KLHDC1: variants seen among roughly 807,000 people sequenced by gnomAD.
KLHDC1 encodes the protein kelch domain containing 1.
In KLHDC1, 53 loss-of-function variants were observed where a neutral mutation model predicts 68.3. The observed-to-expected ratio is 0.78, with a 90% CI of 0.62 to 0.98. The LOEUF is 0.98. Among genes scored for constraint, KLHDC1 ranks in the 50% least tolerant of loss-of-function variants. KLHDC1 has a pLI of 0.00. For missense variants in KLHDC1, 470 were observed against 492.3 expected, an observed-to-expected ratio of 0.95 and a Z score of 0.43; for synonymous variants, 148 against 159.0, an observed-to-expected ratio of 0.93 and a Z score of 0.52.
chr14:49,741,005 A>G (rs1307837083), intron 11 of KLHDC1, among the ~76,000 whole-genome samples: 2 of 152,068 alleles, frequency 1.3e-5, no homozygotes, highest in Admixed American at 1.3e-4. Flanking sequence ...GAGGCACGAG[A>G]ATCACTTGAA....
chr14:49,747,678 A>G (rs531954070), intron 12 of KLHDC1, among the ~76,000 whole-genome samples: 1 of 152,310 alleles, frequency 6.6e-6, no homozygotes, highest in African/African-American at 2.4e-5. Context: ...ATAAGAACTT[A>G]AGATGAATGG....
intron 4 of KLHDC1, among the ~76,000 whole-genome samples, chr14:49,720,465 TG>T (rs1888498255): frequency 6.6e-6 from 1 of 152,132 alleles, no homozygotes. Context: ...TTTGTGTTTT[TG>T]TTTCTCTGTA....
In KLHDC1 at chr14:49,701,908, C is replaced by T. The variant is rs1349305501; in HGVS notation, c.97-7251C>T. Among the ~76,000 whole-genome samples, 7 of 152,192 alleles carry T rather than the reference C, an allele frequency of 4.6e-5. No individual in the cohort carries two copies. The East Asian group carries it at 1.4e-3, about 29-fold the overall frequency. ...AATTAGCCGGGCGTGGTGGCTCACG[C>T]CTGTAATCCCAGCACTTTGGGAGGC... On this transcript the variant is annotated intron_variant, in intron 1 of 12. Coordinates refer to ENST00000359332, the MANE Select transcript of KLHDC1 (RefSeq NM_172193.3).
intron 6 of KLHDC1, among the ~76,000 whole-genome samples, chr14:49,728,612 A>G (rs1440003100): frequency 6.6e-6 from 1 of 152,226 alleles, no homozygotes; most frequent in Non-Finnish European, 1.5e-5. Context: ...AGAACATTTT[A>G]AAATTTGATT....
chr14:49,723,436 G>T (rs775921014), intron 4 of KLHDC1, among the ~76,000 whole-genome samples: 3 of 152,098 alleles, frequency 2.0e-5, no homozygotes, highest in Non-Finnish European at 4.4e-5. Context: ...GAGGTCTGAG[G>T]CAGGAGGACT....
chr14:49,735,968 T>C (rs966297769), intron 10 of KLHDC1, among the ~76,000 whole-genome samples: 1 of 152,076 alleles, frequency 6.6e-6, no homozygotes. Flanking sequence ...TGAGCTGAGA[T>C]TGTGCCACTG....
intron 12 of KLHDC1, among the ~76,000 whole-genome samples, chr14:49,745,972 G>A (rs963673304): frequency 6.6e-6 from 1 of 152,158 alleles, no homozygotes; most frequent in East Asian, 1.9e-4. Flanking sequence ...ATGTGACTGG[G>A]TAAAGAAAAT....
Position 49,714,380 on chromosome 14 carries a change from G to T in KLHDC1, c.404+3999G>T, listed in dbSNP as rs184259236. The stretch of plus-strand genomic sequence containing the variant: ...CCCAGCTACTTAGGAGGATGAGGCA[G>T]AACAATGGCTTGAACCCAGGAGGTG... On this transcript the variant is annotated intron_variant, in intron 4 of 12. Transcript: ENST00000359332. Among the ~76,000 whole-genome samples the T allele has an allele frequency of 2.0e-3, 298 of 152,074 alleles. 2 individuals carry two copies. The highest frequency in any genetic ancestry group is 6.4e-3 in the African/African-American group (266 of 41,530).
intron 4 of KLHDC1, among the ~76,000 whole-genome samples, chr14:49,714,738 T>C (rs887451680): frequency 6.6e-6 from 1 of 151,558 alleles, no homozygotes; most frequent in African/African-American, 2.4e-5. Context: ...ATGTATAATA[T>C]ATTATTTGAC....
intron 1 of KLHDC1, among the ~76,000 whole-genome samples, chr14:49,695,226 A>G (rs1303642886): frequency 6.6e-6 from 1 of 151,670 alleles, no homozygotes; most frequent in Non-Finnish European, 1.5e-5. Flanking sequence ...GAGTAGCTGG[A>G]ATTACAGGTG....
At position 49,740,187 on chromosome 14, in the gene KLHDC1, G is replaced by T; in HGVS notation, c.981+5G>T. On this transcript the variant is annotated splice_donor_5th_base_variant and intron_variant, in intron 11 of 12. Transcript: ENST00000359332. ...GACTTACTTGCCTTGGATACAGTAA[G>T]AAAATCTTATATCTAAATATTTCCT... The T allele has an allele frequency of 2.6e-6, 4 of 1,529,190 alleles. No individual in the cohort carries two copies. The highest frequency in any genetic ancestry group is 2.7e-6 in the Non-Finnish European group (3 of 1,107,186). 94.7% of individuals were successfully genotyped at this position (1,529,190 alleles called of 1,614,324 possible). A position where few individuals can be genotyped will look rare whatever the true frequency, so the allele number is the denominator to read the frequency against.
At chr14:49,702,980 C>A (rs1224229551) in intron 1 of KLHDC1, among the ~76,000 whole-genome samples, 2 of 152,192 alleles carry the variant, frequency 1.3e-5, no homozygotes, top group African/African-American at 4.8e-5. Flanking sequence ...TTCCTTGCAT[C>A]GACCAGAGGC....
intron 1 of KLHDC1, among the ~76,000 whole-genome samples, chr14:49,704,638 T>G (rs1406619676): frequency 6.6e-6 from 1 of 152,040 alleles, no homozygotes; most frequent in East Asian, 1.9e-4. Context: ...TCAGGTGATC[T>G]GCCCACCTCG....
intron 1 of KLHDC1, chr14:49,700,090 G>A (rs145106132): frequency 3.9e-5 from 12 of 307,342 alleles, no homozygotes; most frequent in Non-Finnish European, 6.2e-5. Flanking sequence ...GCAGTGGCGC[G>A]ATCTCGGCTC....
intron 6 of KLHDC1, among the ~76,000 whole-genome samples, chr14:49,726,988 T>C (rs1034007838): frequency 6.6e-6 from 1 of 152,212 alleles, no homozygotes; most frequent in Non-Finnish European, 1.5e-5. Flanking sequence ...CTCATGCCTG[T>C]AATCCTAGCA....
At chr14:49,728,050 A>G (rs1460042620) in intron 6 of KLHDC1, among the ~76,000 whole-genome samples, 2 of 152,176 alleles carry the variant, frequency 1.3e-5, no homozygotes, top group Non-Finnish European at 1.5e-5. Flanking sequence ...AGGGTGGCGT[A>G]ATGGCTCACG....
chr14:49,725,664 A>T, intron 5 of KLHDC1, 22 bp from the exon 6 acceptor site: 1 of 1,222,124 alleles, frequency 8.2e-7, no homozygotes, highest in Non-Finnish European at 1.2e-6. Flanking sequence ...GCTTTGAGAT[A>T]TTTAAAACAT....
chr14:49,715,961 T>C (rs192335852), intron 4 of KLHDC1, among the ~76,000 whole-genome samples: 2 of 152,160 alleles, frequency 1.3e-5, no homozygotes, highest in African/African-American at 4.8e-5. Flanking sequence ...AAATCTTACA[T>C]GGTTGTAACG....
chr14:49,699,348 A>C (rs1006312736), intron 1 of KLHDC1, among the ~76,000 whole-genome samples: 1 of 151,910 alleles, frequency 6.6e-6, no homozygotes, highest in Admixed American at 6.6e-5. Flanking sequence ...GCAGTCAAGA[A>C]GTGTCTAAGG....
Sources: allele counts gnomAD v4.1 joint callset (sites outside exome capture counted in the v4.1 genomes callset), GRCh38; gene constraint gnomAD v4.1.1; transcripts MANE v1.5; gene names NCBI Gene and HGNC (gene_info 2026-07-23, HGNC 2026-07-21).